The following MEF2A variants were observed in gnomAD, a reference collection of about 807,000 sequenced individuals.
MEF2A encodes the protein myocyte enhancer factor 2A, also known as myocyte-specific enhancer factor 2A.
Under a neutral mutation model 55.8 loss-of-function variants are expected in MEF2A, and 28 were observed. The ratio of observed to expected loss-of-function variants is 0.50; its 90% confidence interval spans 0.37 to 0.69. MEF2A has a LOEUF of 0.69. Among genes scored for constraint, MEF2A ranks in the 30% least tolerant of loss-of-function variants. The pLI, the probability that MEF2A is intolerant of heterozygous loss-of-function variation, is 0.00. For synonymous variants in MEF2A, 239 were observed against 227.1 expected, an observed-to-expected ratio of 1.05 and a Z score of -0.47; for missense variants, 528 against 626.2, an observed-to-expected ratio of 0.84 and a Z score of 1.67.
intron 3 of MEF2A, among the ~76,000 whole-genome samples, chr15:99,640,859 G>C (rs1336093060): frequency 6.6e-6 from 1 of 151,946 alleles, no homozygotes; most frequent in Non-Finnish European, 1.5e-5. Context: ...GTGTTTTCTT[G>C]GAGGTCTGAA....
chr15:99,636,055 C>T (rs2043775816), intron 3 of MEF2A, among the ~76,000 whole-genome samples: 1 of 152,130 alleles, frequency 6.6e-6, no homozygotes, highest in Non-Finnish European at 1.5e-5. Context: ...CGGTCTTGAG[C>T]AATACTGGGT....
intron 2 of MEF2A, among the ~76,000 whole-genome samples, chr15:99,602,196 G>C (rs546826030): frequency 6.6e-6 from 1 of 152,298 alleles, no homozygotes; most frequent in Admixed American, 6.5e-5. Flanking sequence ...AGAGGGCCAA[G>C]TGGGCAGCGT....
intron 8 of MEF2A, among the ~76,000 whole-genome samples, chr15:99,692,780 T>G (rs975542526): frequency 5.3e-5 from 8 of 152,232 alleles, no homozygotes; most frequent in African/African-American, 1.9e-4. Context: ...TCTTTTTGTC[T>G]TCTTTCTCTA....
At chr15:99,638,155 T>C (rs189977080) in intron 3 of MEF2A, among the ~76,000 whole-genome samples, 272 of 152,338 alleles carry the variant, frequency 1.8e-3, no homozygotes, top group Admixed American at 7.1e-3. Context: ...TTTTTATTGG[T>C]TGTAGAATTC....
At chr15:99,694,297 G>A (rs2056054554) in intron 8 of MEF2A, among the ~76,000 whole-genome samples, 1 of 152,154 alleles carries the variant, frequency 6.6e-6, no homozygotes, top group Non-Finnish European at 1.5e-5. Context: ...ATAGAATTAA[G>A]ATGCCGTTTT....
intron 2 of MEF2A, among the ~76,000 whole-genome samples, chr15:99,607,219 A>G: frequency 6.6e-6 from 1 of 152,172 alleles, no homozygotes; most frequent in East Asian, 1.9e-4. Flanking sequence ...AATCAGGAAA[A>G]TTGTTGACTT....
At chr15:99,574,005 T>C (rs1963420589) in intron 1 of MEF2A, among the ~76,000 whole-genome samples, 1 of 152,188 alleles carries the variant, frequency 6.6e-6, no homozygotes, top group South Asian at 2.1e-4. Flanking sequence ...CTTTCAGAAA[T>C]GGCTTAATTT....
At chr15:99,705,308 T>C (rs1054137562) in intron 9 of MEF2A, among the ~76,000 whole-genome samples, 2 of 152,234 alleles carry the variant, frequency 1.3e-5, no homozygotes, top group African/African-American at 4.8e-5. Flanking sequence ...TTCCCACCAG[T>C]TATATAGAAA....
In MEF2A at chr15:99,689,669, C is replaced by T. The variant is rs143742136; in HGVS notation, c.671-572C>T. Among the ~76,000 whole-genome samples the T allele has an allele frequency of 3.0e-3, 452 of 152,148 alleles. 3 individuals are homozygous for T. Among genetic ancestry groups the T allele is most frequent in the African/African-American group, 0.01 (421 of 41,498 alleles). ...CTAATTTTTGTATTATTAGTAGAGA[C>T]GGGGTTTCAACATGTTGGCCAAGCT... is the stretch of plus-strand genomic sequence containing the variant. On this transcript the variant is annotated intron_variant, in intron 7 of 11. Transcript: ENST00000557942.
chr15:99,612,195 C>G (rs1369936062), intron 2 of MEF2A, among the ~76,000 whole-genome samples: 1 of 152,090 alleles, frequency 6.6e-6, no homozygotes, highest in Admixed American at 6.6e-5. Flanking sequence ...ATGGGTGGAT[C>G]ATGAGGTCAG....
chr15:99,606,013 C>T (rs750945800), intron 2 of MEF2A, among the ~76,000 whole-genome samples: 16 of 152,226 alleles, frequency 1.1e-4, no homozygotes, highest in Admixed American at 2.0e-4. Context: ...AGAACTTTCT[C>T]TATTAAAAAC....
chr15:99,704,124 T>C (rs1168252824), intron 9 of MEF2A, among the ~76,000 whole-genome samples: 10 of 152,224 alleles, frequency 6.6e-5, no homozygotes, highest in Non-Finnish European at 1.3e-4. Context: ...TAAAGGACTT[T>C]AAGGGGAATA....
intron 3 of MEF2A, among the ~76,000 whole-genome samples, chr15:99,644,735 A>G (rs1214526998): frequency 6.6e-6 from 1 of 152,250 alleles, no homozygotes; most frequent in African/African-American, 2.4e-5. Context: ...TAGGTTCACA[A>G]CAGCATTGAG....
At chr15:99,610,935 T>C (rs2153194901) in intron 2 of MEF2A, among the ~76,000 whole-genome samples, 1 of 152,352 alleles carries the variant, frequency 6.6e-6, no homozygotes. Context: ...ACATTTTGCT[T>C]CTAGGGACAC....
intron 4 of MEF2A, among the ~76,000 whole-genome samples, chr15:99,664,351 G>A (rs2049203097): frequency 6.6e-6 from 1 of 152,172 alleles, no homozygotes. Context: ...CTTCCTGAAG[G>A]CCGGACACCA....
At chr15:99,669,592 T>A (rs1265123912) in intron 4 of MEF2A, among the ~76,000 whole-genome samples, 1 of 152,232 alleles carries the variant, frequency 6.6e-6, no homozygotes, top group Non-Finnish European at 1.5e-5. Context: ...GTTGGAGAAA[T>A]AGATGTTGTG....
At chr15:99,661,383 C>T (rs1024481063) in intron 4 of MEF2A, among the ~76,000 whole-genome samples, 6 of 146,388 alleles carry the variant, frequency 4.1e-5, no homozygotes, top group African/African-American at 1.0e-4. Flanking sequence ...AATTTGACTC[C>T]GTTTAAGAAC....
intron 3 of MEF2A, among the ~76,000 whole-genome samples, chr15:99,644,911 G>A (rs1401014477): frequency 1.3e-5 from 2 of 152,172 alleles, no homozygotes; most frequent in Non-Finnish European, 2.9e-5. Flanking sequence ...GGAAAGAAAA[G>A]TAGTGTCGAA....
chr15:99,684,101 T>C (rs1258934125), intron 7 of MEF2A, among the ~76,000 whole-genome samples: 1 of 152,146 alleles, frequency 6.6e-6, no homozygotes, highest in Non-Finnish European at 1.5e-5. Flanking sequence ...ATATATTACG[T>C]TTTCTGTATC....
Sources: allele counts gnomAD v4.1 joint callset (sites outside exome capture counted in the v4.1 genomes callset), GRCh38; gene constraint gnomAD v4.1.1; transcripts MANE v1.5; gene names NCBI Gene and HGNC (gene_info 2026-07-23, HGNC 2026-07-21).